Variants in PIK3CB observed in about 807,000 individuals in gnomAD.
The protein encoded by PIK3CB is phosphatidylinositol-4,5-bisphosphate 3-kinase catalytic subunit beta.
PIK3CB carries 39 observed loss-of-function variants against 136.8 expected under a neutral mutation model. That is an observed-to-expected ratio of 0.29 (90% confidence interval 0.22 to 0.37). The LOEUF is 0.37. PIK3CB is among the 10% of genes least tolerant of loss of function. PIK3CB has a pLI of 1.00. For missense variants in PIK3CB, 868 were observed against 1,275.4 expected (o/e 0.68, Z 4.87); for synonymous variants, 428 against 436.6 (o/e 0.98, Z 0.25).
chr3:138,662,085 C>T (rs900439342), intron 21 of PIK3CB, among the ~76,000 whole-genome samples: 1 of 151,132 alleles, frequency 6.6e-6, no homozygotes, highest in Non-Finnish European at 1.5e-5. Context: ...GGGGTTCATC[C>T]CAACTTTTTT....
chr3:138,809,573 T>C (rs1576426028), intron 1 of PIK3CB, among the ~76,000 whole-genome samples: 1 of 127,346 alleles, frequency 7.9e-6, no homozygotes, highest in African/African-American at 3.1e-5. Flanking sequence ...ACCATTGCAC[T>C]CCAGCCTGGG....
At chr3:138,816,099 TGA>T (rs754121146) in intron 1 of PIK3CB, among the ~76,000 whole-genome samples, 1 of 152,038 alleles carries the variant, frequency 6.6e-6, no homozygotes, top group Non-Finnish European at 1.5e-5. Context: ...CTCAGTAGCT[TGA>T]GACCAGCCTG....
intron 8 of PIK3CB, among the ~76,000 whole-genome samples, chr3:138,722,694 A>C (rs1024612490): frequency 2.2e-5 from 3 of 134,362 alleles, no homozygotes; most frequent in African/African-American, 9.9e-5. Flanking sequence ...ATAAAAGCTC[A>C]AAAAAAAAAA....
chr3:138,757,549 CTT>C (rs2045593517), intron 3 of PIK3CB, among the ~76,000 whole-genome samples: 1 of 142,296 alleles, frequency 7.0e-6, no homozygotes, highest in Admixed American at 7.2e-5. Flanking sequence ...GATCGTATCT[CTT>C]AGACAAACAA....
intron 1 of PIK3CB, among the ~76,000 whole-genome samples, chr3:138,812,173 G>A (rs1933097124): frequency 1.3e-5 from 2 of 151,780 alleles, no homozygotes; most frequent in South Asian, 4.2e-4. Context: ...AAACAGATTA[G>A]TGGTTGCCAG....
chr3:138,755,483 A>T (rs1237322401), intron 4 of PIK3CB, among the ~76,000 whole-genome samples: 1 of 152,190 alleles, frequency 6.6e-6, no homozygotes, highest in Non-Finnish European at 1.5e-5. Context: ...CTCTATTTTT[A>T]AAAATTAAAT....
chr3:138,832,999 G>A (rs1464012373), intron 1 of PIK3CB, among the ~76,000 whole-genome samples: 1 of 150,706 alleles, frequency 6.6e-6, no homozygotes, highest in Non-Finnish European at 1.5e-5. Context: ...GCGACAGACC[G>A]AGACCCTGCC....
At position 138,699,191 on chromosome 3, in the gene PIK3CB, C is replaced by T. The variant is rs7648802; in HGVS notation, c.1582-96G>A. 0.039 allele frequency: 14,428 copies of T among 367,262 alleles called. 533 individuals are homozygous for T. The highest frequency in any genetic ancestry group is 0.13 in the African/African-American group (5,835 of 46,026). 22.8% of individuals were successfully genotyped at this position (367,262 alleles called of 1,614,324 possible). ...ATATATTTATATATAATAAATGAAC[C>T]TAAGTATGTGAGATACAAAAATATA... On this transcript the variant is annotated intron_variant, in intron 12 of 23. Transcript: ENST00000674063.
chr3:138,782,720 T>C (rs1418117562), intron 2 of PIK3CB, among the ~76,000 whole-genome samples: 1 of 152,200 alleles, frequency 6.6e-6, no homozygotes, highest in Non-Finnish European at 1.5e-5. Context: ...TTCTCTTTCC[T>C]CTTCCACTGG....
chr3:138,684,018 C>T (rs1213852217), intron 17 of PIK3CB, among the ~76,000 whole-genome samples: 1 of 152,218 alleles, frequency 6.6e-6, no homozygotes, highest in African/African-American at 2.4e-5. Flanking sequence ...TGGCCCTTCT[C>T]ACCTTCTCCA....
Position 138,653,750 on chromosome 3 carries a change from G to A in PIK3CB, c.*1639C>T, listed in dbSNP as rs1047966278. 4 of 189,406 alleles carry A rather than the reference G, an allele frequency of 2.1e-5. No individual in the cohort carries two copies. The highest frequency in any genetic ancestry group is 4.4e-5 in the Non-Finnish European group (4 of 90,236). 11.7% of individuals were successfully genotyped at this position (189,406 alleles called of 1,614,324 possible). Reference sequence around the variant, plus strand: ...TGAACAAGAGCTCCAAAGCAGCAGAGTCTGGCCTTGGCTCAGTGCCAAGTA... The same window carrying A: ...TGAACAAGAGCTCCAAAGCAGCAGAATCTGGCCTTGGCTCAGTGCCAAGTA... On this transcript the variant is annotated 3_prime_UTR_variant, in exon 24 of 24. Transcript: ENST00000674063.
At chr3:138,723,466 C>T (rs974784877) in intron 8 of PIK3CB, among the ~76,000 whole-genome samples, 72 of 152,154 alleles carry the variant, frequency 4.7e-4, no homozygotes, top group African/African-American at 1.7e-3. Flanking sequence ...TGGAAGGATC[C>T]CTTGAGCCTT....
At chr3:138,701,502 T>A (rs1359489464) in intron 12 of PIK3CB, among the ~76,000 whole-genome samples, 1 of 152,130 alleles carries the variant, frequency 6.6e-6, no homozygotes, top group Non-Finnish European at 1.5e-5. Flanking sequence ...AAGGACATGA[T>A]GTGGCCGGGC....
chr3:138,817,318 G>A (rs1452158804), intron 1 of PIK3CB, among the ~76,000 whole-genome samples: 6 of 151,384 alleles, frequency 4.0e-5, no homozygotes, highest in Admixed American at 2.0e-4. Context: ...CAGCCTGGGC[G>A]ACAGCGAGAC....
At chr3:138,724,425 G>A (rs142365998) in intron 8 of PIK3CB, among the ~76,000 whole-genome samples, 233 of 152,262 alleles carry the variant, frequency 1.5e-3, no homozygotes, top group African/African-American at 5.3e-3. Flanking sequence ...CAGAAGTCCT[G>A]CAAATCCCAT....
intron 14 of PIK3CB, among the ~76,000 whole-genome samples, chr3:138,693,966 T>TATA (rs1457395869): frequency 0.052 from 2,207 of 42,194 alleles, 349 homozygotes; most frequent in South Asian, 0.092. Context: ...TATATATATA[T>TATA]TATATATATA....
Position 138,799,678 on chromosome 3 carries a change from TTTTG to T in PIK3CB, c.-121-3115_-121-3112del, listed in dbSNP as rs528195066. Among the ~76,000 whole-genome samples, 4 of 152,198 alleles carry T rather than the reference TTTTG, an allele frequency of 2.6e-5. No individual in the cohort carries two copies. The South Asian group carries it at 6.2e-4, about 24-fold the overall frequency. ...CCTCATCTTTTTTCTTTTCTTGTTTTTTTGTTTGTCTGTTTTTGAGACAGGTTCT... is the reference window on the plus strand; with the variant it reads ...CCTCATCTTTTTTCTTTTCTTGTTTTTTTGTCTGTTTTTGAGACAGGTTCT... On this transcript the variant is annotated intron_variant, in intron 1 of 23. Coordinates refer to ENST00000674063, the MANE Select transcript of PIK3CB (RefSeq NM_006219.3).
intron 2 of PIK3CB, among the ~76,000 whole-genome samples, chr3:138,760,629 G>A (rs964085583): frequency 1.3e-5 from 2 of 152,166 alleles, no homozygotes; most frequent in Non-Finnish European, 2.9e-5. Flanking sequence ...ACAGGAGGCC[G>A]GGCACAGTGG....
At chr3:138,723,224 G>C (rs2044765144) in intron 8 of PIK3CB, among the ~76,000 whole-genome samples, 1 of 152,098 alleles carries the variant, frequency 6.6e-6, no homozygotes, top group Admixed American at 6.6e-5. Flanking sequence ...TCAATCTTGA[G>C]AAGTAAAGCA....
Sources: gnomAD v4.1 joint callset for allele counts (sites outside exome capture counted in the v4.1 genomes callset) on GRCh38, gnomAD v4.1.1 for gene constraint, MANE v1.5 for transcripts, NCBI Gene and HGNC (gene_info 2026-07-23, HGNC 2026-07-21) for gene names.